The following XG variants were observed in gnomAD, a reference collection of about 807,000 sequenced individuals.
The protein encoded by XG is Xg glycoprotein (Xg blood group), also known as glycoprotein Xg.
XG carries 24 observed loss-of-function variants against 25.7 expected under a neutral mutation model. The observed-to-expected ratio is 0.93, with a 90% CI of 0.68 to 1.31. XG has a LOEUF of 1.31. Ranked by LOEUF, XG falls within the 40% of genes most tolerant of loss-of-function variation. The pLI is 0.00. For synonymous variants in XG, 77 were observed against 69.2 expected, an observed-to-expected ratio of 1.11 and a Z score of -0.56; for missense variants, 181 against 187.6, an observed-to-expected ratio of 0.96 and a Z score of 0.21.
intron 3 of XG, chrX:2,775,057 A>G: frequency 2.6e-6 from 1 of 378,946 alleles, no homozygotes; most frequent in South Asian, 4.3e-5. Context: ...CTGTGAACAA[A>G]TGCTTTGGTG....
intron 3 of XG, among the ~76,000 whole-genome samples, chrX:2,775,983 GAA>G (rs2050977205): frequency 6.9e-6 from 1 of 145,162 alleles, no homozygotes; most frequent in Non-Finnish European, 1.5e-5. Context: ...GAAAAGAAAA[GAA>G]AAGAAAAAGA....
At position 2,775,454 on chromosome X, in the gene XG, G is replaced by A. The variant is rs111821154; in HGVS notation, c.127+715G>A. Among the ~76,000 whole-genome samples the A allele has an allele frequency of 3.4e-3, 520 of 152,274 alleles. 4 individuals are homozygous for A. The highest frequency in any genetic ancestry group is 0.02 in the Middle Eastern group (6 of 294). ...AATCCCTAGAACCAGAAGCAATGTC[G>A]TGACTGCCAGGGGCTGGAGGGGAAA... On this transcript the variant is annotated intron_variant, in intron 3 of 10. Transcript: ENST00000644266.
At chrX:2,799,395 C>T (rs1322345916) in intron 7 of XG, among the ~76,000 whole-genome samples, 10 of 110,864 alleles carry the variant, frequency 9.0e-5, no homozygotes, top group Admixed American at 9.7e-5. Flanking sequence ...TGGCCTTCTC[C>T]GAAGATGATT....
chrX:2,777,783 G>T (rs1487853980), intron 3 of XG, among the ~76,000 whole-genome samples: 2 of 152,176 alleles, frequency 1.3e-5, no homozygotes, highest in African/African-American at 4.8e-5. Flanking sequence ...TGTTTCGGCT[G>T]GGCGCAGTGG....
At chrX:2,773,582 A>G (rs1327278350) in intron 2 of XG, among the ~76,000 whole-genome samples, 6 of 60,898 alleles carry the variant, frequency 9.9e-5, no homozygotes, top group South Asian at 6.6e-4. Context: ...AAGGAAGGAG[A>G]GAAGGAAGGA....
chrX:2,795,245 T>TAC (rs2086873786), intron 6 of XG, among the ~76,000 whole-genome samples: 1 of 108,136 alleles, frequency 9.2e-6, no homozygotes, highest in Non-Finnish European at 1.9e-5. Context: ...TTTATGTATA[T>TAC]GTATATCGTT....
intron 2 of XG, among the ~76,000 whole-genome samples, chrX:2,773,498 GGAGA>G (rs1351527331): frequency 5.5e-4 from 77 of 139,446 alleles, no homozygotes; most frequent in African/African-American, 1.3e-3. Context: ...AAGGAAGGAA[GGAGA>G]GAAGGAAGGA....
intron 1 of XG, among the ~76,000 whole-genome samples, chrX:2,757,837 T>C (rs779582212): frequency 6.6e-6 from 1 of 150,624 alleles, no homozygotes; most frequent in South Asian, 2.1e-4. Flanking sequence ...CCAGGCATGG[T>C]GGGGGGTGTC....
chrX:2,765,048 A>AGAGAG (rs2050647559), intron 1 of XG, among the ~76,000 whole-genome samples: 1 of 116,716 alleles, frequency 8.6e-6, no homozygotes. Context: ...ATCCAAAAAA[A>AGAGAG]AAAAAAAAAA....
intron 6 of XG, among the ~76,000 whole-genome samples, chrX:2,797,008 G>A (rs2086891802): frequency 8.9e-6 from 1 of 111,747 alleles, no homozygotes; most frequent in African/African-American, 3.3e-5. Context: ...TCAGTTTCTC[G>A]GCAGGAAGCG....
intron 4 of XG, among the ~76,000 whole-genome samples, chrX:2,782,596 GT>G (rs2086741433): frequency 9.0e-6 from 1 of 111,411 alleles, no homozygotes; most frequent in Admixed American, 9.6e-5. Flanking sequence ...ACCATAGGGG[GT>G]TGAAGTGAGG....
In XG at chrX:2,801,853, C is replaced by T. The variant is rs193289444; in HGVS notation, c.373+4493C>T. On this transcript the variant is annotated intron_variant, in intron 7 of 10. Coordinates refer to ENST00000644266, the MANE Select transcript of XG (RefSeq NM_001141919.2). ...CCTCCCGAGTAGCTGGGACTACAGG[C>T]GCCCGCCACCACGCCTGGCAATTTT... 1.2e-3 allele frequency among the ~76,000 whole-genome samples: 135 copies of T among 110,848 alleles called. 1 individual carries two copies. Among genetic ancestry groups the T allele is most frequent in the Middle Eastern group, 4.7e-3 (1 of 214 alleles).
chrX:2,807,727 GTGCACGTGTGTA>G (rs2087015808), intron 8 of XG, among the ~76,000 whole-genome samples: 1 of 112,490 alleles, frequency 8.9e-6, no homozygotes, highest in African/African-American at 3.2e-5. Flanking sequence ...GCATGTGTGT[GTGCACGTGTGTA>G]TGCGTGCTTG....
chrX:2,812,557 G>A (rs1303539521), intron 10 of XG, among the ~76,000 whole-genome samples: 1 of 111,099 alleles, frequency 9.0e-6, no homozygotes, highest in Non-Finnish European at 1.9e-5. Flanking sequence ...TTTAGGATTT[G>A]CATTTGGCCT....
chrX:2,761,086 T>C (rs1397959969), intron 1 of XG, among the ~76,000 whole-genome samples: 1 of 152,130 alleles, frequency 6.6e-6, no homozygotes, highest in African/African-American at 2.4e-5. Flanking sequence ...TCTGTAAGGG[T>C]TGAATTGTGC....
intron 6 of XG, 52 bp downstream of exon 6, chrX:2,794,655 TGGGATGAGAGGCCTGAAGTTG>T: frequency 8.5e-7 from 1 of 1,172,306 alleles, no homozygotes; most frequent in Non-Finnish European, 1.2e-6. Flanking sequence ...ACAGAGAGGG[TGGGATGAGAGGCCTGAAGTTG>T]GGGATGAGAG....
intron 7 of XG, among the ~76,000 whole-genome samples, 172 bp downstream of exon 7, chrX:2,797,532 TC>T (rs1416776351): frequency 9.2e-6 from 1 of 108,514 alleles, no homozygotes. Context: ...CTGTTCTGCT[TC>T]TGTTCCCCAG....
chrX:2,758,892 A>G (rs1363099638), intron 1 of XG, among the ~76,000 whole-genome samples: 1 of 152,156 alleles, frequency 6.6e-6, no homozygotes, highest in African/African-American at 2.4e-5. Flanking sequence ...TGTCTCTATT[A>G]TATACACCTA....
intron 1 of XG, among the ~76,000 whole-genome samples, chrX:2,765,221 C>T (rs2050655196): frequency 6.6e-6 from 1 of 151,468 alleles, no homozygotes; most frequent in Admixed American, 6.6e-5. Context: ...GTAGGGGGCG[C>T]CTGTAATCCC....
Sources: allele counts gnomAD v4.1 joint callset (sites outside exome capture counted in the v4.1 genomes callset), GRCh38; gene constraint gnomAD v4.1.1; transcripts MANE v1.5; gene names NCBI Gene and HGNC (gene_info 2026-07-23, HGNC 2026-07-21).